The following RSBN1L variants were observed in gnomAD, a reference collection of about 807,000 sequenced individuals.
The protein encoded by RSBN1L is round spermatid basic protein 1 like.
RSBN1L carries 30 observed loss-of-function variants against 67.7 expected under a neutral mutation model. The observed-to-expected ratio is 0.44, with a 90% confidence interval of 0.33 to 0.60. The LOEUF (loss-of-function observed/expected upper bound fraction) is 0.60. RSBN1L is among the 20% of genes least tolerant of loss of function. RSBN1L has a pLI of 0.02. For synonymous variants in RSBN1L, 433 were observed against 387.0 expected (o/e 1.12, Z -1.39); for missense variants, 992 against 1,031.7 (o/e 0.96, Z 0.53).
chr7:77,774,715 G>A (rs1791888951), intron 6 of RSBN1L, among the ~76,000 whole-genome samples: 2 of 152,144 alleles, frequency 1.3e-5, no homozygotes, highest in Admixed American at 1.3e-4. Flanking sequence ...TCAGCCTGGG[G>A]CGACAAGAGC....
intron 1 of RSBN1L, among the ~76,000 whole-genome samples, chr7:77,724,851 T>G (rs1178476028): frequency 6.6e-6 from 1 of 151,692 alleles, no homozygotes; most frequent in Non-Finnish European, 1.5e-5. Context: ...TTTTTTGTTT[T>G]TTTTTTTTGA....
At chr7:77,767,429 A>AGTG (rs1241406718) in intron 4 of RSBN1L, among the ~76,000 whole-genome samples, 1 of 151,840 alleles carries the variant, frequency 6.6e-6, no homozygotes, top group Non-Finnish European at 1.5e-5. Flanking sequence ...GCTGGAGGGC[A>AGTG]GTGGTGCGAT....
At chr7:77,735,744 G>A (rs1791325768) in intron 1 of RSBN1L, among the ~76,000 whole-genome samples, 1 of 152,050 alleles carries the variant, frequency 6.6e-6, no homozygotes, top group Non-Finnish European at 1.5e-5. Context: ...GAAGTCATTT[G>A]AACAAAGAAG....
chr7:77,697,810 A>T (rs1790760571), intron 1 of RSBN1L, among the ~76,000 whole-genome samples: 1 of 152,196 alleles, frequency 6.6e-6, no homozygotes, highest in Non-Finnish European at 1.5e-5. Flanking sequence ...AAAAAGGCGA[A>T]TTCTTAAGGG....
chr7:77,723,167 T>C (rs1357174839), intron 1 of RSBN1L, among the ~76,000 whole-genome samples: 1 of 152,044 alleles, frequency 6.6e-6, no homozygotes, highest in African/African-American at 2.4e-5. Flanking sequence ...GGTTTCACTA[T>C]GTTGGCCAGG....
Position 77,702,488 on chromosome 7 carries a change from A to G in RSBN1L, c.586+5433A>G, listed in dbSNP as rs553540297. ...TCTTTTAGTTGGAGGTTTTGTTCAGATCTTTGTGATCATGAGCAAGGTTAA... is the reference window on the plus strand; with the variant it reads ...TCTTTTAGTTGGAGGTTTTGTTCAGGTCTTTGTGATCATGAGCAAGGTTAA... On this transcript the variant is annotated intron_variant, in intron 1 of 7. Coordinates refer to ENST00000334955, the MANE Select transcript of RSBN1L (RefSeq NM_198467.3). Among the ~76,000 whole-genome samples the G allele has an allele frequency of 3.8e-4, 58 of 151,394 alleles. No individual in the cohort carries two copies. In the Middle Eastern group the frequency reaches 0.01, roughly 27 times the overall value.
At chr7:77,726,894 G>T (rs748298876) in intron 1 of RSBN1L, among the ~76,000 whole-genome samples, 1 of 146,398 alleles carries the variant, frequency 6.8e-6, no homozygotes, top group Non-Finnish European at 1.5e-5. Flanking sequence ...TGATTCTCCC[G>T]CCTTGGCCTC....
chr7:77,719,055 C>G (rs550738819), intron 1 of RSBN1L, among the ~76,000 whole-genome samples: 2 of 152,302 alleles, frequency 1.3e-5, no homozygotes, highest in Non-Finnish European at 1.5e-5. Flanking sequence ...CTCAGGACTC[C>G]AAGAGTCTTG....
At chr7:77,726,776 A>AT (rs35354992) in intron 1 of RSBN1L, among the ~76,000 whole-genome samples, 49,031 of 112,216 alleles carry the variant, frequency 0.44, 11,831 homozygotes, top group African/African-American at 0.57. Context: ...CACCCAGCTA[A>AT]TTTTTTTTTT....
intron 4 of RSBN1L, among the ~76,000 whole-genome samples, chr7:77,766,188 G>A (rs1791763808): frequency 6.6e-6 from 1 of 152,106 alleles, no homozygotes; most frequent in African/African-American, 2.4e-5. Context: ...TGTAGCCAAA[G>A]GCCCCTCTAT....
chr7:77,727,662 CACTT>C (rs1274730207), intron 1 of RSBN1L, among the ~76,000 whole-genome samples: 3 of 150,848 alleles, frequency 2.0e-5, no homozygotes, highest in Non-Finnish European at 4.4e-5. Context: ...GACAAGGCCT[CACTT>C]TCTTCCCCAG....
intron 1 of RSBN1L, among the ~76,000 whole-genome samples, chr7:77,699,918 T>G (rs1024918046): frequency 6.6e-6 from 1 of 151,744 alleles, no homozygotes; most frequent in African/African-American, 2.4e-5. Flanking sequence ...TGCCTCAGCC[T>G]CCCGAGTGGC....
Position 77,696,650 on chromosome 7 carries a change from G to A in RSBN1L, c.181G>A (p.Gly61Ser). 1.2e-6 allele frequency: 2 copies of A among 1,612,814 alleles called. No individual in the cohort carries two copies. Among genetic ancestry groups the A allele is most frequent in the Admixed American group, 1.7e-5 (1 of 60,018 alleles). The part of the protein sequence containing the change: ...KAPRRVNGEG[G>S]SGGNSRQLQP... ...ACCGCGGAGAGTGAACGGAGAAGGG[G>A]GCAGCGGCGGGAACAGCAGGCAGCT... The change falls in exon 1 of 8, where the codon GGC becomes AGC. Residue 61 changes from glycine (G) to serine (S), a missense_variant. This residue lies in a region of RSBN1L where 575 missense variants were observed against 483.2 expected (regional missense o/e 1.19). Coordinates refer to ENST00000334955, the MANE Select transcript of RSBN1L (RefSeq NM_198467.3).
At chr7:77,755,394 G>A (rs1486786812) in intron 3 of RSBN1L, among the ~76,000 whole-genome samples, 2 of 152,146 alleles carry the variant, frequency 1.3e-5, no homozygotes, top group African/African-American at 4.8e-5. Flanking sequence ...GCTGGGCGTG[G>A]TGGCTCACCC....
chr7:77,709,192 GTGTGTA>G (rs368652946), intron 1 of RSBN1L, among the ~76,000 whole-genome samples: 25,571 of 127,714 alleles, frequency 0.2, 2,207 homozygotes, highest in South Asian at 0.24. Flanking sequence ...GTGTGTGTGT[GTGTGTA>G]TGTATGTGTA....
At chr7:77,740,453 T>A (rs951402318) in intron 2 of RSBN1L, among the ~76,000 whole-genome samples, 3 of 152,126 alleles carry the variant, frequency 2.0e-5, no homozygotes, top group Non-Finnish European at 4.4e-5. Flanking sequence ...GTACTAAAGG[T>A]CACAGGTAGG....
At chr7:77,749,289 TA>T in intron 2 of RSBN1L, 134 bp from the exon 3 acceptor site, 3 of 664,220 alleles carry the variant, frequency 4.5e-6, no homozygotes, top group Non-Finnish European at 7.3e-6. Context: ...ATCAATTCTG[TA>T]AAAAATGAGT....
intron 1 of RSBN1L, among the ~76,000 whole-genome samples, chr7:77,716,582 C>T (rs1232158837): frequency 7.0e-6 from 1 of 142,182 alleles, no homozygotes; most frequent in Non-Finnish European, 1.5e-5. Context: ...ATAGTCATGA[C>T]AGAATTATCT....
intron 2 of RSBN1L, among the ~76,000 whole-genome samples, chr7:77,746,378 A>G (rs1184701059): frequency 6.6e-6 from 1 of 152,138 alleles, no homozygotes; most frequent in Non-Finnish European, 1.5e-5. Context: ...GCACACTTGT[A>G]AACAACCAGA....
Sources: gnomAD v4.1 joint callset for allele counts (sites outside exome capture counted in the v4.1 genomes callset) on GRCh38, gnomAD v4.1.1 for gene constraint, gnomAD v4.1.1 regional missense constraint, MANE v1.5 for transcripts, NCBI Gene and HGNC (gene_info 2026-07-23, HGNC 2026-07-21) for gene names.